Variants in CNTNAP2 observed in about 807,000 individuals in gnomAD.
CNTNAP2 encodes the protein contactin associated protein 2.
In CNTNAP2, 98 loss-of-function variants were observed where a neutral mutation model predicts 155.2. The ratio of observed to expected loss-of-function variants is 0.63; its 90% CI spans 0.54 to 0.75. CNTNAP2 has a LOEUF of 0.75. Ranked by LOEUF, CNTNAP2 falls within the 30% of genes least tolerant of loss-of-function variation. CNTNAP2 has a pLI of 0.00. For synonymous variants in CNTNAP2, 651 were observed against 631.2 expected (o/e 1.03, Z -0.47); for missense variants, 1,727 against 1,688.1 (o/e 1.02, Z -0.40).
At chr7:147,730,856 AGTGAAAAC>A (rs1796726681) in intron 13 of CNTNAP2, among the ~76,000 whole-genome samples, 1 of 152,168 alleles carries the variant, frequency 6.6e-6, no homozygotes, top group Non-Finnish European at 1.5e-5. Context: ...GTGCTACTCC[AGTGAAAAC>A]ATGAACGATA....
chr7:146,821,986 G>A (rs1192381952), intron 2 of CNTNAP2, among the ~76,000 whole-genome samples: 3 of 151,818 alleles, frequency 2.0e-5, no homozygotes, highest in East Asian at 1.9e-4. Flanking sequence ...ATACCCAAAG[G>A]ATTATAAATC....
chr7:146,731,700 G>T (rs1426535156), intron 1 of CNTNAP2, among the ~76,000 whole-genome samples: 5 of 152,118 alleles, frequency 3.3e-5, no homozygotes, highest in Admixed American at 3.3e-4. Context: ...AGCACGGATA[G>T]AAGTGTGTTT....
rs184571697 is a variant in CNTNAP2 at position 146,495,337 on chromosome 7, A to C, written c.98-278934A>C. Among the ~76,000 whole-genome samples the C allele has an allele frequency of 2.6e-5, 4 of 152,326 alleles. No individual in the cohort carries two copies. The East Asian group carries it at 7.7e-4, about 29-fold the overall frequency. The stretch of plus-strand genomic sequence containing the variant: ...TTCGAATTAAGGTTTGTTCTAGCTG[A>C]CCACAGAATAGAGACAATAAAAATT... On this transcript the variant is annotated intron_variant, in intron 1 of 23. Transcript: ENST00000361727.
At chr7:147,604,975 A>G (rs1801033525) in intron 12 of CNTNAP2, among the ~76,000 whole-genome samples, 5 of 152,198 alleles carry the variant, frequency 3.3e-5, no homozygotes. Flanking sequence ...TGACATTTTC[A>G]GCTTTTAGAG....
chr7:146,362,073 G>A (rs1266961402), intron 1 of CNTNAP2, among the ~76,000 whole-genome samples: 1 of 152,052 alleles, frequency 6.6e-6, no homozygotes, highest in African/African-American at 2.4e-5. Context: ...TGTGTGTATT[G>A]CTTGAATACT....
At chr7:147,686,391 C>T (rs1347695989) in intron 13 of CNTNAP2, among the ~76,000 whole-genome samples, 1 of 151,902 alleles carries the variant, frequency 6.6e-6, no homozygotes, top group Non-Finnish European at 1.5e-5. Flanking sequence ...GTTTTAAATT[C>T]AAAATAAATA....
chr7:146,659,629 A>C (rs1585029066), intron 1 of CNTNAP2, among the ~76,000 whole-genome samples: 1 of 152,234 alleles, frequency 6.6e-6, no homozygotes, highest in Non-Finnish European at 1.5e-5. Context: ...AAAAATAACA[A>C]AATGTGTTTA....
At chr7:146,868,134 T>C (rs1019973425) in intron 3 of CNTNAP2, among the ~76,000 whole-genome samples, 3 of 152,120 alleles carry the variant, frequency 2.0e-5, no homozygotes, top group Admixed American at 1.3e-4. Flanking sequence ...GGTTGTTGTT[T>C]AGGTGTTTAT....
intron 22 of CNTNAP2, among the ~76,000 whole-genome samples, chr7:148,384,115 T>TAACTC (rs1313442157): frequency 1.3e-5 from 2 of 152,186 alleles, no homozygotes; most frequent in Non-Finnish European, 2.9e-5. Context: ...TAGGAAGTAT[T>TAACTC]AACTCTTCAA....
At chr7:146,185,022 C>T (rs1798602886) in intron 1 of CNTNAP2, among the ~76,000 whole-genome samples, 1 of 152,030 alleles carries the variant, frequency 6.6e-6, no homozygotes, top group Non-Finnish European at 1.5e-5. Context: ...CCAAAAATCA[C>T]GCTCAAACAT....
chr7:148,010,895 A>T (rs1365027989), intron 15 of CNTNAP2, among the ~76,000 whole-genome samples: 1 of 152,142 alleles, frequency 6.6e-6, no homozygotes, highest in Non-Finnish European at 1.5e-5. Context: ...CTAGTGATAC[A>T]TCTTCATAAT....
At chr7:146,497,647 A>T (rs915463153) in intron 1 of CNTNAP2, among the ~76,000 whole-genome samples, 17 of 152,022 alleles carry the variant, frequency 1.1e-4, no homozygotes, top group Non-Finnish European at 2.1e-4. Context: ...ATCCGTCAGA[A>T]TTAAAAGAAG....
intron 3 of CNTNAP2, among the ~76,000 whole-genome samples, chr7:146,845,663 G>T (rs1303395970): frequency 6.6e-6 from 1 of 152,066 alleles, no homozygotes; most frequent in Admixed American, 6.6e-5. Flanking sequence ...ATTCATGATT[G>T]AAAATATCTG....
intron 13 of CNTNAP2, among the ~76,000 whole-genome samples, chr7:147,763,173 C>T (rs113165740): frequency 0.014 from 2,073 of 151,388 alleles, 25 homozygotes; most frequent in African/African-American, 0.043. Context: ...ACAGGAGAAT[C>T]ACTTGAACCC....
chr7:147,322,107 A>T (rs1255488630), intron 9 of CNTNAP2, among the ~76,000 whole-genome samples: 1 of 152,166 alleles, frequency 6.6e-6, no homozygotes, highest in Non-Finnish European at 1.5e-5. Flanking sequence ...TATTACATCC[A>T]AGTTCTAGAT....
intron 20 of CNTNAP2, among the ~76,000 whole-genome samples, chr7:148,245,317 G>A (rs116624611): frequency 7.1e-4 from 108 of 152,238 alleles, no homozygotes; most frequent in African/African-American, 2.4e-3. Flanking sequence ...AACATGGGGC[G>A]AATAAGAGTA....
intron 2 of CNTNAP2, among the ~76,000 whole-genome samples, chr7:146,777,352 CT>C (rs910414670): frequency 2.0e-5 from 3 of 152,166 alleles, no homozygotes; most frequent in African/African-American, 7.2e-5. Context: ...CTCATTTTTG[CT>C]CCCTAATTTT....
intron 15 of CNTNAP2, among the ~76,000 whole-genome samples, chr7:148,050,484 G>A (rs11769665): frequency 2.0e-5 from 3 of 152,188 alleles, no homozygotes; most frequent in Non-Finnish European, 2.9e-5. Context: ...CAATGTGCTT[G>A]TGTTTTAAGC....
chr7:147,688,188 G>C (rs1230851017), intron 13 of CNTNAP2, among the ~76,000 whole-genome samples: 4 of 152,056 alleles, frequency 2.6e-5, no homozygotes, highest in African/African-American at 7.2e-5. Flanking sequence ...GCATTCCTGG[G>C]AAGGCTGTTC....
Sources: allele counts gnomAD v4.1 joint callset (sites outside exome capture counted in the v4.1 genomes callset), GRCh38; gene constraint gnomAD v4.1.1; transcripts MANE v1.5; gene names NCBI Gene and HGNC (gene_info 2026-07-23, HGNC 2026-07-21).